CC2D2A: variants seen among roughly 807,000 people sequenced by gnomAD.
CC2D2A encodes coiled-coil and C2 domain-containing protein 2A.
CC2D2A carries 155 observed loss-of-function variants against 212.9 expected under a neutral mutation model. That is an observed-to-expected ratio of 0.73 (90% CI 0.64 to 0.83). The LOEUF (loss-of-function observed/expected upper bound fraction) is 0.83, where lower values mean the gene tolerates loss of function less well. Among genes scored for constraint, CC2D2A ranks in the 40% least tolerant of loss-of-function variants. CC2D2A has a pLI of 0.00. For synonymous variants in CC2D2A, 667 were observed against 686.5 expected (o/e 0.97, Z 0.44); for missense variants, 1,856 against 1,956.2 (o/e 0.95, Z 0.97).
At chr4:15,568,923 T>G (rs1446564788) in intron 26 of CC2D2A, among the ~76,000 whole-genome samples, 4 of 152,110 alleles carry the variant, frequency 2.6e-5, no homozygotes, top group South Asian at 4.1e-4. Flanking sequence ...CTGGGGCCCA[T>G]TTGCTTAGGA....
chr4:15,538,219 C>T (rs1577358540), intron 16 of CC2D2A, 82 bp downstream of exon 16: 1 of 1,384,918 alleles, frequency 7.2e-7, no homozygotes, highest in Non-Finnish European at 9.6e-7. Flanking sequence ...ACATGCACGA[C>T]ATGGGGAGTG....
At chr4:15,584,464 T>G (rs1720780950) in intron 30 of CC2D2A, among the ~76,000 whole-genome samples, 1 of 152,062 alleles carries the variant, frequency 6.6e-6, no homozygotes, top group East Asian at 1.9e-4. Flanking sequence ...AAAATAAAAC[T>G]AGAGCCCCCA....
At chr4:15,576,321 T>A (rs1414860803) in intron 29 of CC2D2A, 1 of 947,566 alleles carries the variant, frequency 1.1e-6, no homozygotes, top group African/African-American at 1.8e-5. Context: ...CATCCTAAAA[T>A]TATAGGGTCA....
intron 17 of CC2D2A, among the ~76,000 whole-genome samples, chr4:15,547,628 T>C (rs13104845): frequency 0.41 from 62,700 of 152,048 alleles, 13,097 homozygotes; most frequent in East Asian, 0.49. Context: ...ACCCTCAGCA[T>C]CGTTGAGAGA....
At chr4:15,483,276 A>G (rs1358862768) in intron 4 of CC2D2A, among the ~76,000 whole-genome samples, 1 of 152,234 alleles carries the variant, frequency 6.6e-6, no homozygotes, top group Non-Finnish European at 1.5e-5. Flanking sequence ...GCAGGCAAGG[A>G]TAGCAAGGGA....
At chr4:15,470,675 CTCTCTCTCTCTCTCTATATA>C (rs1713694130) in intron 1 of CC2D2A, among the ~76,000 whole-genome samples, 1 of 77,006 alleles carries the variant, frequency 1.3e-5, no homozygotes, top group African/African-American at 5.8e-5. Flanking sequence ...CTCTCTCTCT[CTCTCTCTCTCTCTCTATATA>C]TATATATATA....
chr4:15,537,159 C>A, intron 15 of CC2D2A, 83 bp downstream of exon 15: 1 of 1,257,510 alleles, frequency 8.0e-7, no homozygotes, highest in Non-Finnish European at 1.1e-6. Context: ...AGTGGGGAAA[C>A]CAGACTGGCA....
At chr4:15,584,087 A>G (rs1460601816) in intron 30 of CC2D2A, among the ~76,000 whole-genome samples, 4 of 152,212 alleles carry the variant, frequency 2.6e-5, no homozygotes, top group Admixed American at 6.5e-5. Flanking sequence ...TATTACCCAA[A>G]GCAATCTACA....
chr4:15,533,676 C>G (rs2109030280), intron 14 of CC2D2A, among the ~76,000 whole-genome samples: 1 of 152,266 alleles, frequency 6.6e-6, no homozygotes, highest in East Asian at 1.9e-4. Flanking sequence ...TACATACATG[C>G]TTCTTTTCTT....
At chr4:15,489,642 CT>C (rs768358781) in intron 4 of CC2D2A, among the ~76,000 whole-genome samples, 1 of 152,138 alleles carries the variant, frequency 6.6e-6, no homozygotes, top group Non-Finnish European at 1.5e-5. Context: ...CTCATTTTCT[CT>C]CATTTTTGTC....
intron 28 of CC2D2A, among the ~76,000 whole-genome samples, chr4:15,572,607 C>T (rs545215191): frequency 1.3e-5 from 2 of 151,472 alleles, no homozygotes; most frequent in East Asian, 3.9e-4. Context: ...ACAGGACAGA[C>T]CTCCATAGCA....
intron 4 of CC2D2A, among the ~76,000 whole-genome samples, chr4:15,500,101 G>A (rs368200178): frequency 0.16 from 10,263 of 63,928 alleles, 565 homozygotes; most frequent in Non-Finnish European, 0.19. Flanking sequence ...GTGTGTGTGT[G>A]TGTGTGTATA....
intron 28 of CC2D2A, among the ~76,000 whole-genome samples, chr4:15,573,465 A>G (rs1720259795): frequency 6.6e-6 from 1 of 151,964 alleles, no homozygotes; most frequent in Non-Finnish European, 1.5e-5. Flanking sequence ...TAATTTTTGT[A>G]TTTTTGGTAA....
chr4:15,489,642 C>T (rs1299184345), intron 4 of CC2D2A, among the ~76,000 whole-genome samples: 1 of 152,138 alleles, frequency 6.6e-6, no homozygotes, highest in African/African-American at 2.4e-5. Context: ...CTCATTTTCT[C>T]TCATTTTTGT....
intron 17 of CC2D2A, among the ~76,000 whole-genome samples, chr4:15,547,813 G>A (rs1192894915): frequency 6.6e-6 from 1 of 152,104 alleles, no homozygotes; most frequent in African/African-American, 2.4e-5. Flanking sequence ...GTCATGGCGG[G>A]TGGATCACCT....
intron 3 of CC2D2A, among the ~76,000 whole-genome samples, chr4:15,479,029 T>C (rs888123115): frequency 5.3e-5 from 8 of 152,144 alleles, no homozygotes; most frequent in African/African-American, 1.9e-4. Flanking sequence ...CGGGGGTCCA[T>C]ACTTAGAGCA....
intron 17 of CC2D2A, among the ~76,000 whole-genome samples, chr4:15,550,416 G>C (rs1287723679): frequency 1.3e-5 from 2 of 152,322 alleles, no homozygotes; most frequent in East Asian, 3.9e-4. Flanking sequence ...GATTGGTGCA[G>C]ATAATAAGCC....
chr4:15,490,873 CTGT>C (rs1715266053), intron 4 of CC2D2A, among the ~76,000 whole-genome samples: 1 of 115,964 alleles, frequency 8.6e-6, no homozygotes, highest in South Asian at 2.6e-4. Context: ...ATGTCCTGTT[CTGT>C]TCTGTTCTAA....
At position 15,510,159 on chromosome 4, in the gene CC2D2A, G is replaced by A. The variant is rs187148400; in HGVS notation, c.459G>A (p.Arg153=). 1 of 1,612,996 alleles carries A rather than the reference G, an allele frequency of 6.2e-7. No individual in the cohort carries two copies. The highest frequency in any genetic ancestry group is 8.5e-7 in the Non-Finnish European group (1 of 1,179,366). The stretch of plus-strand genomic sequence containing the variant: ...TATAGCCAGGGAAAGAGGTAGAAAG[G>A]ACTCAACAAGAAGTTGACTCCCAAA... ...FGTEPGKEVE[R]TQQEVDSQSY... is the part of the protein sequence containing the mutation. Residue 153 remains arginine, a synonymous_variant, in exon 7 of 37, where the codon AGG becomes AGA. Transcript: ENST00000424120.
Sources: gnomAD v4.1 joint callset for allele counts (sites outside exome capture counted in the v4.1 genomes callset) on GRCh38, gnomAD v4.1.1 for gene constraint, MANE v1.5 for transcripts, NCBI Gene and HGNC (gene_info 2026-07-23, HGNC 2026-07-21) for gene names.